Variants in ARHGAP24 observed in about 807,000 individuals in gnomAD.
ARHGAP24 encodes the protein Rho GTPase activating protein 24, also known as rho GTPase-activating protein 24.
In ARHGAP24, 50 loss-of-function variants were observed where a neutral mutation model predicts 76.4. That is an observed-to-expected ratio of 0.65 (90% CI 0.52 to 0.83). ARHGAP24 has a LOEUF of 0.83. Among genes scored for constraint, ARHGAP24 ranks in the 40% least tolerant of loss-of-function variants. The pLI is 0.00. For synonymous variants in ARHGAP24, 345 were observed against 323.3 expected (o/e 1.07, Z -0.72); for missense variants, 930 against 914.2 (o/e 1.02, Z -0.22).
intron 5 of ARHGAP24, among the ~76,000 whole-genome samples, chr4:85,951,806 G>T (rs1737631247): frequency 6.6e-6 from 1 of 152,078 alleles, no homozygotes; most frequent in African/African-American, 2.4e-5. Context: ...CTAGAAAGAA[G>T]TTCCCACAGG....
chr4:85,520,835 T>G (rs1366236404), intron 1 of ARHGAP24, among the ~76,000 whole-genome samples: 3 of 152,166 alleles, frequency 2.0e-5, no homozygotes, highest in African/African-American at 7.2e-5. Flanking sequence ...AAAGAATGAT[T>G]TGACCAATGA....
intron 2 of ARHGAP24, among the ~76,000 whole-genome samples, chr4:85,666,077 G>C (rs1722603122): frequency 6.6e-6 from 1 of 152,118 alleles, no homozygotes; most frequent in Non-Finnish European, 1.5e-5. Context: ...TGCTAGATTG[G>C]GGAAGTTCTC....
At chr4:85,517,395 AT>A (rs33947341) in intron 1 of ARHGAP24, among the ~76,000 whole-genome samples, 50,512 of 151,908 alleles carry the variant, frequency 0.33, 9,370 homozygotes, top group East Asian at 0.81. Flanking sequence ...AAAAATACTG[AT>A]TTGCTAAATT....
chr4:85,705,297 A>G (rs1013201887), intron 2 of ARHGAP24, among the ~76,000 whole-genome samples: 1 of 152,202 alleles, frequency 6.6e-6, no homozygotes, highest in African/African-American at 2.4e-5. Context: ...GACAGATACT[A>G]TATTTTAAAT....
chr4:85,611,434 C>T (rs1212868364), intron 2 of ARHGAP24, among the ~76,000 whole-genome samples: 1 of 152,136 alleles, frequency 6.6e-6, no homozygotes, highest in African/African-American at 2.4e-5. Flanking sequence ...CACTAGATCC[C>T]ATGACAATTA....
intron 3 of ARHGAP24, among the ~76,000 whole-genome samples, chr4:85,916,424 T>C (rs796290349): frequency 5.3e-5 from 8 of 152,192 alleles, no homozygotes; most frequent in African/African-American, 1.9e-4. Flanking sequence ...GTTCTGAATA[T>C]CCTTGTTAAT....
intron 1 of ARHGAP24, among the ~76,000 whole-genome samples, chr4:85,523,505 A>C (rs934638092): frequency 1.3e-5 from 2 of 152,180 alleles, no homozygotes; most frequent in Admixed American, 6.6e-5. Context: ...TCCTTAAACA[A>C]ATATAAATGT....
intron 5 of ARHGAP24, among the ~76,000 whole-genome samples, chr4:85,944,799 A>G (rs1267044403): frequency 6.6e-6 from 1 of 152,212 alleles, no homozygotes; most frequent in Non-Finnish European, 1.5e-5. Flanking sequence ...GATGAACTTT[A>G]TCAGTGATGA....
chr4:85,918,689 G>C (rs982597961), intron 3 of ARHGAP24, among the ~76,000 whole-genome samples: 2 of 151,946 alleles, frequency 1.3e-5, no homozygotes, highest in Non-Finnish European at 2.9e-5. Flanking sequence ...CTATTTAAGA[G>C]AATCTATTTT....
intron 2 of ARHGAP24, among the ~76,000 whole-genome samples, chr4:85,668,567 C>A (rs896976123): frequency 6.6e-6 from 1 of 152,084 alleles, no homozygotes; most frequent in African/African-American, 2.4e-5. Flanking sequence ...GAAGAAGAAA[C>A]CTTTACTCTG....
At chr4:85,877,155 A>G (rs946746553) in intron 3 of ARHGAP24, among the ~76,000 whole-genome samples, 2 of 152,086 alleles carry the variant, frequency 1.3e-5, no homozygotes, top group African/African-American at 4.8e-5. Context: ...AGCTCTTTAA[A>G]AATGTTTTTA....
chr4:85,708,199 A>G (rs1002444389), intron 2 of ARHGAP24, among the ~76,000 whole-genome samples: 1 of 152,172 alleles, frequency 6.6e-6, no homozygotes, highest in African/African-American at 2.4e-5. Context: ...TTCAATATGT[A>G]TAGTAATATT....
At position 85,790,209 on chromosome 4, in the gene ARHGAP24, C is replaced by T. The variant is rs542778687; in HGVS notation, c.268+68237C>T. ...GCACTGCTTTAAGTCATCTAAATGC[C>T]TTGGGAAGTTGACAATTTACTAGCT... On this transcript the variant is annotated intron_variant, in intron 3 of 9. Coordinates refer to ENST00000395184, the MANE Select transcript of ARHGAP24 (RefSeq NM_001025616.3). Among the ~76,000 whole-genome samples, 232 of 152,254 alleles carry T rather than the reference C, an allele frequency of 1.5e-3. 2 individuals are homozygous for T. The highest frequency in any genetic ancestry group is 3.0e-3 in the Non-Finnish European group (202 of 68,016).
At chr4:85,629,220 C>A (rs1296713237) in intron 2 of ARHGAP24, among the ~76,000 whole-genome samples, 1 of 152,140 alleles carries the variant, frequency 6.6e-6, no homozygotes, top group East Asian at 1.9e-4. Context: ...GGAACTTCAA[C>A]CACATACAAA....
chr4:85,498,470 C>T (rs895665258), intron 1 of ARHGAP24, among the ~76,000 whole-genome samples: 3 of 152,188 alleles, frequency 2.0e-5, no homozygotes, highest in African/African-American at 7.2e-5. Context: ...GAGGAGAGCC[C>T]TAGAAGAGAG....
chr4:85,487,564 A>G (rs1292610767), intron 1 of ARHGAP24, among the ~76,000 whole-genome samples: 2 of 109,528 alleles, frequency 1.8e-5, no homozygotes, highest in Non-Finnish European at 3.2e-5. Flanking sequence ...CATATTATAT[A>G]AACATATATT....
At chr4:85,616,232 G>A (rs996689180) in intron 2 of ARHGAP24, among the ~76,000 whole-genome samples, 19 of 152,184 alleles carry the variant, frequency 1.2e-4, no homozygotes, top group African/African-American at 4.6e-4. Context: ...TAAAGGATTT[G>A]AAGTTATTTG....
chr4:85,527,939 T>C (rs186071734), intron 1 of ARHGAP24, among the ~76,000 whole-genome samples: 1 of 152,224 alleles, frequency 6.6e-6, no homozygotes, highest in African/African-American at 2.4e-5. Context: ...GTTTGATTAG[T>C]ACCTTTTATG....
intron 2 of ARHGAP24, among the ~76,000 whole-genome samples, chr4:85,649,562 T>G (rs1195754242): frequency 6.6e-6 from 1 of 152,146 alleles, no homozygotes; most frequent in Non-Finnish European, 1.5e-5. Context: ...GATAAACAGA[T>G]TGATTTAATT....
Sources: gnomAD v4.1 joint callset for allele counts (sites outside exome capture counted in the v4.1 genomes callset) on GRCh38, gnomAD v4.1.1 for gene constraint, MANE v1.5 for transcripts, NCBI Gene and HGNC (gene_info 2026-07-23, HGNC 2026-07-21) for gene names.